PKD1: variants seen among roughly 807,000 people sequenced by gnomAD.
PKD1 encodes polycystin 1, transient receptor potential channel interacting, also known as polycystin-1.
In PKD1, 81 loss-of-function variants were observed where a neutral mutation model predicts 361.7. That is an observed-to-expected ratio of 0.22 (90% CI 0.19 to 0.27). The LOEUF (loss-of-function observed/expected upper bound fraction) is 0.27, where lower values mean the gene tolerates loss of function less well. Among genes scored for constraint, PKD1 ranks in the 10% least tolerant of loss-of-function variants. The pLI, the probability that PKD1 is intolerant of heterozygous loss-of-function variation, is 1.00. For synonymous variants in PKD1, 3,615 were observed against 2,818.3 expected (o/e 1.28, Z -8.95); for missense variants, 6,399 against 6,118.3 (o/e 1.05, Z -1.53).
In PKD1 at chr16:2,108,736, A is replaced by G. The variant is rs759521687; in HGVS notation, c.6431T>C (p.Leu2144Pro). ...GTCCACCTCCGGCTCCCGGCAGGCCAGCACCTGGACGGTCACCGTGGCCTG... is the reference window on the plus strand; with the variant it reads ...GTCCACCTCCGGCTCCCGGCAGGCCGGCACCTGGACGGTCACCGTGGCCTG... ...VAQATVTVQV[L>P]ACREPEVDVV... Residue 2144 changes from leucine (L) to proline (P), a missense_variant, in exon 15 of 46, where the codon CTG (leucine) becomes CCG (proline). Transcript: ENST00000262304. The G allele has an allele frequency of 3.2e-6, 5 of 1,573,136 alleles. No individual in the cohort carries two copies. The highest frequency in any genetic ancestry group is 4.3e-6 in the Non-Finnish European group (5 of 1,160,384).
At position 2,112,211 on chromosome 16, in the gene PKD1, G is replaced by T. The variant is rs2092530909; in HGVS notation, c.3295+129C>A. 3 of 838,950 alleles carry T rather than the reference G, an allele frequency of 3.6e-6. No individual in the cohort carries two copies. The Admixed American group carries it at 6.0e-5, about 17-fold the overall frequency. The allele number at this position is 838,950 out of a possible 1,614,324, so 52.0% of individuals were successfully genotyped here. A position where few individuals can be genotyped will look rare whatever the true frequency, so the allele number is the denominator to read the frequency against. ...CTCCCTCACCCCAGTAGGGGCCTAA[G>T]CCATCAGCCCAGGTGAGGTCACAGT... is the stretch of plus-strand genomic sequence containing the variant. On this transcript the variant is annotated intron_variant, in intron 14 of 45. Coordinates refer to ENST00000262304, the MANE Select transcript of PKD1 (RefSeq NM_001009944.3).
intron 42 of PKD1, 92 bp from the exon 43 acceptor site, chr16:2,091,266 G>C (rs1432683707): frequency 1.6e-4 from 74 of 474,178 alleles, no homozygotes; most frequent in Non-Finnish European, 2.0e-4. Context: ...GGCCCTACGA[G>C]GGGGCGGGAC....
rs768577519 is a variant in PKD1 at position 2,116,674 on chromosome 16, G to C, written c.1607-30C>G. ...GGTGGCGAGTGCACAGTGAGGCGCC[G>C]GGCCAGGGCCCAGGACACCAGGACG... On this transcript the variant is annotated intron_variant, in intron 7 of 45. Transcript: ENST00000262304. 2.3e-6 allele frequency: 3 copies of C among 1,327,952 alleles called. No individual in the cohort carries two copies. The Admixed American group carries it at 5.9e-5, about 26-fold the overall frequency. The allele number at this position is 1,327,952 out of a possible 1,614,324, so 82.3% of individuals were successfully genotyped here.
rs533221512 is a variant in PKD1 at position 2,103,313 on chromosome 16, T to C, written c.8744A>G (p.Asn2915Ser). 4.1e-5 allele frequency: 66 copies of C among 1,608,438 alleles called. No homozygotes were observed. The East Asian group carries it at 5.6e-4, about 14-fold the overall frequency. The change falls in exon 23 of 46, where the codon AAC becomes AGC. Residue 2915 changes from asparagine (N) to serine (S), a missense_variant. Transcript: ENST00000262304. ...CTGCAGATGCAGCCCGGCCGCAGGG[T>C]TGCTGCTGTCCAGGGTGACCACAGC... Reference protein sequence around the residue: ...VGAVVTLDSSNPAAGLHLQLN... With the variant: ...VGAVVTLDSSSPAAGLHLQLN...
chr16:2,093,744 G>A lies in PKD1; in HGVS notation c.10822-6C>T, dbSNP rs769941799. 2.5e-6 allele frequency: 4 copies of A among 1,577,176 alleles called. No individual in the cohort carries two copies. The highest frequency in any genetic ancestry group is 1.4e-5 in the African/African-American group (1 of 73,988). ...TACAGGGCTTCCAGCAAGACCTGGGGAGGGGGTGGCTTCAGAGGGGTCCCC... is the reference window on the plus strand; with the variant it reads ...TACAGGGCTTCCAGCAAGACCTGGGAAGGGGGTGGCTTCAGAGGGGTCCCC... On this transcript the variant is annotated splice_polypyrimidine_tract_variant and splice_region_variant and intron_variant, in intron 36 of 45. Coordinates refer to ENST00000262304, the MANE Select transcript of PKD1 (RefSeq NM_001009944.3).
rs535399366 is a variant in PKD1 at position 2,117,546 on chromosome 16, G to A, written c.1328C>T (p.Ala443Val). ...GGCGGGACTGTCCACCATTGCCAGGGCGGCCCCGGCCCAGGCCTGACACTG... is the reference window on the plus strand; with the variant it reads ...GGCGGGACTGTCCACCATTGCCAGGACGGCCCCGGCCCAGGCCTGACACTG... ...QEQCQAWAGA[A>V]LAMVDSPAVQ... The change falls in exon 6 of 46, where the codon GCC becomes GTC. Residue 443 changes from alanine (A) to valine (V), a missense_variant. Ala to Val is a moderately conservative substitution (Grantham distance 64). Transcript: ENST00000262304. 111 of 1,599,502 alleles carry A rather than the reference G, an allele frequency of 6.9e-5. No homozygotes were observed. The African/African-American group carries it at 1.3e-3, about 19-fold the overall frequency.
Position 2,111,722 on chromosome 16 carries a change from G to A in PKD1, c.3445C>T (p.His1149Tyr), listed in dbSNP as rs1466665066. Residue 1149 changes from histidine (H) to tyrosine (Y), a missense_variant, in exon 15 of 46, where the codon CAC becomes TAC. His to Tyr is a moderately conservative substitution (Grantham distance 83). Transcript: ENST00000262304. The part of the protein sequence containing the change: ...VAGRPVTFYP[H>Y]PLPSPGGVLY... ...ACACCCCCAGGCGAGGGCAGCGGGT[G>A]CGGGTAGAAGGTGACGGGCCGGCCG... is the stretch of plus-strand genomic sequence containing the variant. The A allele has an allele frequency of 6.3e-7, 1 of 1,593,516 alleles. No individual in the cohort carries two copies. Among genetic ancestry groups the A allele is most frequent in the East Asian group, 2.3e-5 (1 of 44,038 alleles).
chr16:2,126,815 C>T (rs1286933710), intron 1 of PKD1, among the ~76,000 whole-genome samples: 1 of 152,256 alleles, frequency 6.6e-6, no homozygotes, highest in Non-Finnish European at 1.5e-5. Flanking sequence ...GTCTCCCCCA[C>T]GAGCAGGGGG....
At chr16:2,092,322 C>T (rs2091631093) in intron 39 of PKD1, 134 bp from the exon 40 acceptor site, 3 of 1,049,788 alleles carry the variant, frequency 2.9e-6, no homozygotes, top group East Asian at 5.2e-5. Context: ...ATCAATTAGA[C>T]AACGTTACCA....
intron 11 of PKD1, chr16:2,113,684 G>A (rs1256120451): frequency 5.8e-5 from 22 of 380,604 alleles, no homozygotes; most frequent in Middle Eastern, 8.1e-4. Context: ...AGGACAGGCT[G>A]CACAGGTCAC....
rs1323934826 is a variant in PKD1 at position 2,097,192 on chromosome 16, G to A, written c.10455C>T (p.Ala3485=). The A allele has an allele frequency of 6.4e-7, 1 of 1,562,496 alleles. No homozygotes were observed. Among genetic ancestry groups the A allele is most frequent in the Non-Finnish European group, 8.7e-7 (1 of 1,153,334 alleles). ...QVLAEGVSSP[A]PTQDTHMETD... ...TTTCCATGTGGGTGTCTTGGGTAGG[G>A]GCTGGGCTGCTGACCCCCTCGGCAA... The change falls in exon 34 of 46, where the codon GCC becomes GCT. Residue 3485 remains alanine (A), a synonymous_variant. Transcript: ENST00000262304.
intron 32 of PKD1, 61 bp from the exon 33 acceptor site, chr16:2,097,564 G>A (rs921283021): frequency 2.1e-5 from 34 of 1,604,672 alleles, no homozygotes; most frequent in East Asian, 1.6e-4. Flanking sequence ...GCCCACCCCC[G>A]TCCAGTCACG....
In PKD1 at chr16:2,117,069, G is replaced by A; in HGVS notation, c.1386-16C>T. On this transcript the variant is annotated splice_polypyrimidine_tract_variant and intron_variant, in intron 6 of 45. Transcript: ENST00000262304. ...GTCTAGGCTCCTGGGGGCGGGTGTG[G>A]GATGGCAGGGGGCTCAGGGCACTCC... is the stretch of plus-strand genomic sequence containing the variant. 3 of 1,382,524 alleles carry A rather than the reference G, an allele frequency of 2.2e-6. No individual in the cohort carries two copies. Among genetic ancestry groups the A allele is most frequent in the Non-Finnish European group, 3.0e-6 (3 of 997,454 alleles). The allele number at this position is 1,382,524 out of a possible 1,614,324, so 85.6% of individuals were successfully genotyped here.
chr16:2,115,533 G>A lies in PKD1; in HGVS notation c.1942C>T (p.Pro648Ser), dbSNP rs779697154. 3.0e-5 allele frequency: 48 copies of A among 1,593,986 alleles called. No homozygotes were observed. Among genetic ancestry groups the A allele is most frequent in the African/African-American group, 1.2e-4 (9 of 74,346 alleles). ...PACMPGGRWC[P>S]GANICLPLDA... is the part of the protein sequence containing the mutation. ...AGCGGCAAGCAGATGTTGGCTCCAG[G>A]GCACCAGCGTCCCCCTGGCATGCAC... Residue 648 changes from proline (P) to serine (S), a missense_variant, in exon 10 of 46, where the codon CCT (proline) becomes TCT (serine). Pro to Ser is a moderately conservative substitution (Grantham distance 74). Transcript: ENST00000262304.
At chr16:2,094,393 G>A (rs2091753632) in intron 34 of PKD1, among the ~76,000 whole-genome samples, 183 bp from the exon 35 acceptor site, 1 of 152,206 alleles carries the variant, frequency 6.6e-6, no homozygotes, top group African/African-American at 2.4e-5. Flanking sequence ...GGAACCAAGA[G>A]CCACTCCAGG....
Position 2,100,526 on chromosome 16 carries a change from G to A in PKD1, c.9438C>T (p.Asp3146=), listed in dbSNP as rs2092051474. 1.9e-6 allele frequency: 3 copies of A among 1,610,462 alleles called. No homozygotes were observed. The highest frequency in any genetic ancestry group is 2.7e-5 in the African/African-American group (2 of 74,844). ...CCAGGTGCCGGTGGCCGCTCCGGCT[G>A]TCCACCCCATACAGCATGATGCCCA... ...AHVGIMLYGV[D]SRSGHRHLDG... Residue 3146 remains aspartate, a synonymous_variant, in exon 27 of 46, where the codon GAC becomes GAT. Transcript: ENST00000262304. The surrounding 1 kb of genome is among the most constrained non-coding windows in gnomAD (Gnocchi z 4.4).
chr16:2,126,898 C>T (rs1283017226), intron 1 of PKD1, among the ~76,000 whole-genome samples: 1 of 152,210 alleles, frequency 6.6e-6, no homozygotes, highest in Non-Finnish European at 1.5e-5. Flanking sequence ...CAGGGAGGGG[C>T]TTGCAGATGC....
At position 2,118,517 on chromosome 16, in the gene PKD1, G is replaced by T; in HGVS notation, c.530-55C>A. The T allele has an allele frequency of 3.5e-6, 5 of 1,427,536 alleles. No homozygotes were observed. Among genetic ancestry groups the T allele is most frequent in the Non-Finnish European group, 4.8e-6 (5 of 1,048,490 alleles). The allele number at this position is 1,427,536 out of a possible 1,614,324, so 88.4% of individuals were successfully genotyped here. A position where few individuals can be genotyped will look rare whatever the true frequency, so the allele number is the denominator to read the frequency against. On this transcript the variant is annotated intron_variant, in intron 4 of 45. Coordinates refer to ENST00000262304, the MANE Select transcript of PKD1 (RefSeq NM_001009944.3). The surrounding 1 kb of genome is among the most constrained non-coding windows in gnomAD (Gnocchi z 6.0). ...TCTGCTCCTCCTGGCTCCACCCCAC[G>T]CCCCCACATCCGCCCGCCGCACTCA...
chr16:2,112,671 C>A, intron 13 of PKD1, 117 bp downstream of exon 13: 3 of 1,228,014 alleles, frequency 2.4e-6, no homozygotes, highest in Non-Finnish European at 2.3e-6. Flanking sequence ...TACCTCCCAA[C>A]AGACAGGGAA....
Sources: gnomAD v4.1 joint callset for allele counts (sites outside exome capture counted in the v4.1 genomes callset) on GRCh38, gnomAD v4.1.1 for gene constraint, Gnocchi (gnomAD v3.1) non-coding constraint, MANE v1.5 for transcripts, NCBI Gene and HGNC (gene_info 2026-07-23, HGNC 2026-07-21) for gene names.